Variants in TTBK2 observed in about 807,000 individuals in gnomAD.
TTBK2 encodes tau tubulin kinase 2.
A neutral mutation model predicts 110.8 loss-of-function variants in TTBK2; 28 were observed. The ratio of observed to expected loss-of-function variants is 0.25; its 90% CI spans 0.19 to 0.35. The LOEUF (loss-of-function observed/expected upper bound fraction) is 0.35, where lower values mean the gene tolerates loss of function less well. Among genes scored for constraint, TTBK2 ranks in the 10% least tolerant of loss-of-function variants. The pLI, the probability that TTBK2 is intolerant of heterozygous loss-of-function variation, is 1.00. For synonymous variants in TTBK2, 532 were observed against 527.3 expected (o/e 1.01, Z -0.12); for missense variants, 1,369 against 1,500.3 (o/e 0.91, Z 1.45).
intron 1 of TTBK2, among the ~76,000 whole-genome samples, chr15:42,903,768 G>A (rs954986808): frequency 3.3e-5 from 5 of 152,134 alleles, no homozygotes; most frequent in Non-Finnish European, 7.4e-5. Context: ...TACCGCTAAT[G>A]AACAGAATAC....
At chr15:42,886,907 C>T (rs1007222733) in intron 1 of TTBK2, among the ~76,000 whole-genome samples, 1 of 152,226 alleles carries the variant, frequency 6.6e-6, no homozygotes, top group Admixed American at 6.5e-5. Flanking sequence ...GACTGTCCAA[C>T]TGGCCCAAGG....
intron 6 of TTBK2, among the ~76,000 whole-genome samples, chr15:42,823,791 C>T (rs148712413): frequency 0.011 from 1,719 of 151,480 alleles, 30 homozygotes; most frequent in African/African-American, 0.039. Flanking sequence ...ATGTGTGGCC[C>T]AAGACAATTC....
chr15:42,764,366 G>A (rs932270693), intron 13 of TTBK2, among the ~76,000 whole-genome samples: 1 of 152,240 alleles, frequency 6.6e-6, no homozygotes, highest in African/African-American at 2.4e-5. Flanking sequence ...GGGAAGCCGT[G>A]ACAGACGGTA....
At chr15:42,910,777 G>A (rs1002419645) in intron 1 of TTBK2, among the ~76,000 whole-genome samples, 1 of 152,176 alleles carries the variant, frequency 6.6e-6, no homozygotes, top group Non-Finnish European at 1.5e-5. Flanking sequence ...CTGGCGCAGT[G>A]GCTCATGCCT....
chr15:42,883,468 G>A (rs1207557840), intron 1 of TTBK2, among the ~76,000 whole-genome samples: 1 of 150,890 alleles, frequency 6.6e-6, no homozygotes, highest in East Asian at 1.9e-4. Context: ...TTTAGGTAAT[G>A]TAATATTCAT....
intron 10 of TTBK2, among the ~76,000 whole-genome samples, chr15:42,792,040 G>A (rs1890711755): frequency 6.6e-6 from 1 of 152,138 alleles, no homozygotes; most frequent in Non-Finnish European, 1.5e-5. Context: ...GGAAGGCTGA[G>A]GCAGGAGAAT....
intron 4 of TTBK2, among the ~76,000 whole-genome samples, chr15:42,840,123 G>A (rs1215219359): frequency 1.3e-5 from 2 of 152,136 alleles, no homozygotes; most frequent in Non-Finnish European, 1.5e-5. Flanking sequence ...TGCAGGGATC[G>A]AAAACTGCAA....
At position 42,814,057 on chromosome 15, in the gene TTBK2, G is replaced by A. The variant is rs116020522; in HGVS notation, c.604-2277C>T. Among the ~76,000 whole-genome samples the A allele has an allele frequency of 1.7e-3, 254 of 151,958 alleles. 1 individual carries two copies. In the Middle Eastern group the frequency reaches 0.027, roughly 16 times the overall value. ...TTTTTTGAGACAGAGTCTCGTTGTC[G>A]TCAGCCCGGGCTGGAGTGCGATGGG... On this transcript the variant is annotated intron_variant, in intron 7 of 14. Coordinates refer to ENST00000267890, the MANE Select transcript of TTBK2 (RefSeq NM_173500.4).
intron 6 of TTBK2, among the ~76,000 whole-genome samples, chr15:42,824,798 T>C (rs374291740): frequency 3.3e-5 from 5 of 152,196 alleles, no homozygotes; most frequent in South Asian, 2.1e-4. Context: ...TGAAATACTC[T>C]ATATAACAAA....
At chr15:42,825,646 C>T (rs1157875018) in intron 6 of TTBK2, among the ~76,000 whole-genome samples, 4 of 152,074 alleles carry the variant, frequency 2.6e-5, no homozygotes, top group African/African-American at 4.8e-5. Flanking sequence ...ACCTAGGAGG[C>T]GGAGGTAGCA....
chr15:42,779,838 C>T (rs1419443614), intron 11 of TTBK2, among the ~76,000 whole-genome samples: 5 of 151,990 alleles, frequency 3.3e-5, no homozygotes, highest in African/African-American at 7.2e-5. Context: ...AAAAATTAGT[C>T]GGGTGTGGTG....
intron 1 of TTBK2, among the ~76,000 whole-genome samples, chr15:42,907,649 C>T (rs753873214): frequency 2.6e-5 from 4 of 151,438 alleles, no homozygotes; most frequent in Non-Finnish European, 4.4e-5. Context: ...TGGTGGTTAC[C>T]AGAGGCTGAA....
chr15:42,816,118 A>ATATATATATATATATG (rs1235814767), intron 7 of TTBK2, among the ~76,000 whole-genome samples: 8 of 104,164 alleles, frequency 7.7e-5, no homozygotes, highest in African/African-American at 3.1e-4. Context: ...ATATATATAT[A>ATATATATATATATATG]TGTGTATATT....
chr15:42,874,528 G>T (rs968996565), intron 2 of TTBK2, among the ~76,000 whole-genome samples: 2 of 151,430 alleles, frequency 1.3e-5, no homozygotes, highest in South Asian at 4.2e-4. Context: ...TGTTGGCCAG[G>T]CTGGTCTCAA....
At chr15:42,770,126 T>A (rs117816526) in intron 13 of TTBK2, among the ~76,000 whole-genome samples, 2 of 150,132 alleles carry the variant, frequency 1.3e-5, no homozygotes, top group Non-Finnish European at 1.5e-5. Flanking sequence ...GGGGGAGGGA[T>A]AGCAGAAATA....
Position 42,846,161 on chromosome 15 carries a change from C to T in TTBK2, c.218-5728G>A, listed in dbSNP as rs567340399. On this transcript the variant is annotated intron_variant, in intron 3 of 14. Transcript: ENST00000267890. Reference sequence around the variant, plus strand: ...AAAGTCTATACATATTTAGTACAGACGCAATATTTTTTTCCTAATTTTTTT... The same window carrying T: ...AAAGTCTATACATATTTAGTACAGATGCAATATTTTTTTCCTAATTTTTTT... 3.0e-4 allele frequency among the ~76,000 whole-genome samples: 45 copies of T among 150,258 alleles called. No individual in the cohort carries two copies. The South Asian group carries it at 4.0e-3, about 13-fold the overall frequency.
Position 42,838,675 on chromosome 15 carries a change from G to C in TTBK2, c.291+1685C>G, listed in dbSNP as rs148493173. Among the ~76,000 whole-genome samples the C allele has an allele frequency of 4.2e-4, 64 of 152,056 alleles. 1 individual carries two copies. In the South Asian group the frequency reaches 5.4e-3, roughly 13 times the overall value. ...TACTAAAAATACAGAAATTAGCCGGGCATGGTGGAGCACAGCTGTACTCCC... is the reference window on the plus strand; with the variant it reads ...TACTAAAAATACAGAAATTAGCCGGCCATGGTGGAGCACAGCTGTACTCCC... On this transcript the variant is annotated intron_variant, in intron 4 of 14. Coordinates refer to ENST00000267890, the MANE Select transcript of TTBK2 (RefSeq NM_173500.4).
At chr15:42,821,680 T>G (rs1892302793) in intron 6 of TTBK2, among the ~76,000 whole-genome samples, 1 of 141,302 alleles carries the variant, frequency 7.1e-6, no homozygotes, top group African/African-American at 2.8e-5. Flanking sequence ...AGGGTTTTTG[T>G]TTTTTGTTTT....
At chr15:42,767,772 G>A (rs568931863) in intron 13 of TTBK2, among the ~76,000 whole-genome samples, 15 of 152,214 alleles carry the variant, frequency 9.9e-5, no homozygotes, top group South Asian at 6.2e-4. Flanking sequence ...TGAGGCCAGC[G>A]TCATCCTGAT....
Sources: gnomAD v4.1 joint callset for allele counts (sites outside exome capture counted in the v4.1 genomes callset) on GRCh38, gnomAD v4.1.1 for gene constraint, MANE v1.5 for transcripts, NCBI Gene and HGNC (gene_info 2026-07-23, HGNC 2026-07-21) for gene names.